GBE1: variants seen among roughly 807,000 people sequenced by gnomAD.
GBE1 encodes 1,4-alpha-glucan branching enzyme 1.
In GBE1, 70 loss-of-function variants were observed where a neutral mutation model predicts 88.8. The observed-to-expected ratio is 0.79, with a 90% CI of 0.65 to 0.96. The LOEUF (loss-of-function observed/expected upper bound fraction) is 0.96. GBE1 is among the 40% of genes least tolerant of loss of function. The pLI is 0.00. For missense variants in GBE1, 872 were observed against 871.0 expected, an observed-to-expected ratio of 1.00 and a Z score of -0.01; for synonymous variants, 284 against 300.1, an observed-to-expected ratio of 0.95 and a Z score of 0.56.
intron 12 of GBE1, among the ~76,000 whole-genome samples, chr3:81,568,154 A>AT (rs796209679): frequency 2.4e-3 from 352 of 148,448 alleles, no homozygotes; most frequent in African/African-American, 9.8e-4. Flanking sequence ...TGGATTCTCA[A>AT]TTTTTTTTTT....
At chr3:81,732,654 G>T (rs151216520) in intron 1 of GBE1, among the ~76,000 whole-genome samples, 1 of 152,180 alleles carries the variant, frequency 6.6e-6, no homozygotes, top group East Asian at 1.9e-4. Context: ...CTAAGATACT[G>T]ATTCAAGTCA....
chr3:81,525,023 C>A lies in GBE1; in HGVS notation c.1934+10172G>T, dbSNP rs114215432. 5.2e-3 allele frequency among the ~76,000 whole-genome samples: 795 copies of A among 151,816 alleles called. 4 individuals carry two copies. Among genetic ancestry groups the A allele is most frequent in the Non-Finnish European group, 6.2e-3 (419 of 67,820 alleles). On this transcript the variant is annotated intron_variant, in intron 14 of 15. Coordinates refer to ENST00000429644, the MANE Select transcript of GBE1 (RefSeq NM_000158.4). ...GATTGGTATGGTCATTGGTATACGG[C>A]CATTCAGGAATATATTGTTCTATTT...
In GBE1 at chr3:81,728,212, A is replaced by C. The variant is rs986162534; in HGVS notation, c.144-22599T>G. Among the ~76,000 whole-genome samples the C allele has an allele frequency of 2.0e-5, 3 of 152,162 alleles. No individual in the cohort carries two copies. The South Asian group carries it at 6.2e-4, about 31-fold the overall frequency. On this transcript the variant is annotated intron_variant, in intron 1 of 15. Coordinates refer to ENST00000429644, the MANE Select transcript of GBE1 (RefSeq NM_000158.4). The stretch of plus-strand genomic sequence containing the variant: ...TTGAGCAAGAATCTGCCTCATATAC[A>C]TATCATAGAATCAAAAACGTCTGTC...
intron 11 of GBE1, among the ~76,000 whole-genome samples, chr3:81,578,760 C>G (rs1365709953): frequency 1.3e-5 from 2 of 151,880 alleles, no homozygotes; most frequent in Admixed American, 1.3e-4. Flanking sequence ...TCCTAAAAAT[C>G]TGAATTATTT....
Position 81,578,006 on chromosome 3 carries a change from T to C in GBE1, c.1537A>G (p.Ile513Val), listed in dbSNP as rs886545962. The C allele has an allele frequency of 6.2e-7, 1 of 1,610,082 alleles. No individual in the cohort carries two copies. The highest frequency in any genetic ancestry group is 8.5e-7 in the Non-Finnish European group (1 of 1,178,442). The change falls in exon 12 of 16, where the codon ATT (isoleucine) becomes GTT (valine). Residue 513 changes from isoleucine (I) to valine (V), a missense_variant. Physicochemically the swap from Ile to Val is conservative, Grantham distance 29. Coordinates refer to ENST00000429644, the MANE Select transcript of GBE1 (RefSeq NM_000158.4). ...TTATGAAGCTGTATTCCACGATCAA[T>C]AACTGGAGTAAAAGGAGTCAGGACA... is the stretch of plus-strand genomic sequence containing the variant. ...MSVLTPFTPVIDRGIQLHKMI... is the reference protein window; with the variant it reads ...MSVLTPFTPVVDRGIQLHKMI...
chr3:81,683,104 G>T (rs1705375050), intron 2 of GBE1, among the ~76,000 whole-genome samples: 1 of 152,128 alleles, frequency 6.6e-6, no homozygotes. Context: ...TAGGATGATA[G>T]CTAAAGGGTA....
At chr3:81,673,183 T>TA (rs1368854506) in intron 2 of GBE1, among the ~76,000 whole-genome samples, 1 of 151,880 alleles carries the variant, frequency 6.6e-6, no homozygotes, top group Non-Finnish European at 1.5e-5. Context: ...GCTTGGAATA[T>TA]AAAAATCTAG....
intron 3 of GBE1, among the ~76,000 whole-genome samples, chr3:81,655,686 T>C (rs1435142967): frequency 1.3e-5 from 2 of 151,868 alleles, no homozygotes; most frequent in Admixed American, 6.6e-5. Flanking sequence ...CCAGATACTT[T>C]CTGTATTTTT....
chr3:81,682,377 G>T (rs894319938), intron 2 of GBE1, among the ~76,000 whole-genome samples: 1 of 152,092 alleles, frequency 6.6e-6, no homozygotes, highest in African/African-American at 2.4e-5. Context: ...CAGGAGGATT[G>T]ATTGAGCCCA....
intron 2 of GBE1, among the ~76,000 whole-genome samples, chr3:81,699,985 T>G (rs1705663637): frequency 6.6e-6 from 1 of 152,242 alleles, no homozygotes; most frequent in Non-Finnish European, 1.5e-5. Flanking sequence ...GCTGAAGTTT[T>G]TAGAGCCATC....
chr3:81,515,787 C>T (rs1246088462), intron 14 of GBE1, among the ~76,000 whole-genome samples: 1 of 151,572 alleles, frequency 6.6e-6, no homozygotes, highest in Non-Finnish European at 1.5e-5. Context: ...GAACACCAGC[C>T]TACTGCTGAT....
chr3:81,753,669 C>T (rs749493930), intron 1 of GBE1, among the ~76,000 whole-genome samples: 18 of 152,136 alleles, frequency 1.2e-4, no homozygotes, highest in Admixed American at 2.6e-4. Flanking sequence ...TTTGAAGGCA[C>T]TTTGAAAATG....
chr3:81,591,083 T>A lies in GBE1; in HGVS notation c.1190A>T (p.Asn397Ile). 6.2e-7 allele frequency: 1 copy of A among 1,610,264 alleles called. No homozygotes were observed. The highest frequency in any genetic ancestry group is 8.5e-7 in the Non-Finnish European group (1 of 1,177,964). The change falls in exon 9 of 16, where the codon AAT becomes ATT. Residue 397 changes from asparagine to isoleucine, a missense_variant. Coordinates refer to ENST00000429644, the MANE Select transcript of GBE1 (RefSeq NM_000158.4). ...GGGACACAGCGTGTGAACCAAATGATTTGCCAACATGAGGTAAGTCAAGGC... is the reference window on the plus strand; with the variant it reads ...GGGACACAGCGTGTGAACCAAATGAATTGCCAACATGAGGTAAGTCAAGGC... Reference protein sequence around the residue: ...EDALTYLMLANHLVHTLCPDS... With the variant: ...EDALTYLMLAIHLVHTLCPDS...
At chr3:81,611,552 A>C (rs1429414074) in intron 7 of GBE1, among the ~76,000 whole-genome samples, 1 of 152,172 alleles carries the variant, frequency 6.6e-6, no homozygotes, top group African/African-American at 2.4e-5. Flanking sequence ...CAATATAAAA[A>C]AGAATTTTCT....
intron 8 of GBE1, among the ~76,000 whole-genome samples, chr3:81,591,399 C>G (rs1003246281): frequency 6.6e-6 from 1 of 152,058 alleles, no homozygotes; most frequent in African/African-American, 2.4e-5. Context: ...AAAAACAAAG[C>G]ACTTTAAAGA....
chr3:81,731,710 T>G (rs886434686), intron 1 of GBE1, among the ~76,000 whole-genome samples: 2 of 152,170 alleles, frequency 1.3e-5, no homozygotes, highest in Admixed American at 1.3e-4. Flanking sequence ...GTAATACTTC[T>G]CCTTTCACCC....
intron 12 of GBE1, among the ~76,000 whole-genome samples, chr3:81,576,756 G>A (rs1293659208): frequency 6.6e-6 from 1 of 151,932 alleles, no homozygotes; most frequent in Non-Finnish European, 1.5e-5. Flanking sequence ...GGCTAGGGAT[G>A]TCAACAAATT....
intron 12 of GBE1, among the ~76,000 whole-genome samples, chr3:81,569,017 TA>T (rs1020681705): frequency 5.5e-4 from 83 of 151,840 alleles, no homozygotes; most frequent in African/African-American, 1.9e-3. Flanking sequence ...TTTAAAGATC[TA>T]AAAAAAATAC....
chr3:81,649,282 G>A lies in GBE1; in HGVS notation c.556-291C>T, dbSNP rs542993171. ...AATGTAAGAGCCATGAAATACATAT[G>A]TAATTATCTAATGCAAAGTATATAT... On this transcript the variant is annotated intron_variant, in intron 4 of 15. Coordinates refer to ENST00000429644, the MANE Select transcript of GBE1 (RefSeq NM_000158.4). Among the ~76,000 whole-genome samples the A allele has an allele frequency of 1.8e-4, 28 of 152,064 alleles. No individual in the cohort carries two copies. The South Asian group carries it at 4.4e-3, about 24-fold the overall frequency.
Sources: allele counts gnomAD v4.1 joint callset (sites outside exome capture counted in the v4.1 genomes callset), GRCh38; gene constraint gnomAD v4.1.1; transcripts MANE v1.5; gene names NCBI Gene and HGNC (gene_info 2026-07-23, HGNC 2026-07-21).